The following FGFR2 variants were observed in gnomAD, a reference collection of about 807,000 sequenced individuals.
FGFR2 encodes fibroblast growth factor receptor 2.
FGFR2 carries 19 observed loss-of-function variants against 95.9 expected under a neutral mutation model. That is an observed-to-expected ratio of 0.20 (90% confidence interval 0.14 to 0.29). FGFR2 has a LOEUF of 0.29. Ranked by LOEUF, FGFR2 falls within the 10% of genes least tolerant of loss-of-function variation. The pLI is 1.00. For missense variants in FGFR2, 707 were observed against 1,056.9 expected (o/e 0.67, Z 4.59); for synonymous variants, 392 against 393.3 (o/e 1.00, Z 0.04).
chr10:121,556,478 A>G (rs2134951631), intron 4 of FGFR2, among the ~76,000 whole-genome samples: 1 of 151,488 alleles, frequency 6.6e-6, no homozygotes, highest in South Asian at 2.1e-4. Flanking sequence ...TTAAAGGAGA[A>G]ACATGGAATC....
In FGFR2 at chr10:121,531,228, T is replaced by TG. The variant is rs1852033099; in HGVS notation, c.748+7363dup. ...TGCCCCATCCAGGCTGGCGTGTGCC[T>TG]GCTCCCACCCCAGGGAGCTGGCACC... On this transcript the variant is annotated intron_variant, in intron 6 of 17. Coordinates refer to ENST00000358487, the MANE Select transcript of FGFR2 (RefSeq NM_000141.5). This position sits in a 1 kb window ranked among gnomAD's most constrained non-coding sequence, Gnocchi z 4.5. The TG allele has an allele frequency of 6.6e-6, 1 of 152,142 alleles. No homozygotes were observed. Among genetic ancestry groups the TG allele is most frequent in the African/African-American group, 2.4e-5 (1 of 41,448 alleles). 9.4% of individuals were successfully genotyped at this position (152,142 alleles called of 1,614,324 possible). A position where few individuals can be genotyped will look rare whatever the true frequency, so the allele number is the denominator to read the frequency against.
chr10:121,536,433 G>C (rs988506690), intron 6 of FGFR2, among the ~76,000 whole-genome samples: 1 of 152,082 alleles, frequency 6.6e-6, no homozygotes, highest in African/African-American at 2.4e-5. Flanking sequence ...TTAGCTGGGC[G>C]ATCTCCCAAA....
In FGFR2 at chr10:121,542,749, CAA is replaced by C. The variant is rs199883344; in HGVS notation, c.625-4036_625-4035del. ...ATGAACATTCCACACCCTATCCACA[CAA>C]AGACACAAGGTGGCCCAGACAGGTT... On this transcript the variant is annotated intron_variant, in intron 5 of 17. Coordinates refer to ENST00000358487, the MANE Select transcript of FGFR2 (RefSeq NM_000141.5). Among the ~76,000 whole-genome samples the C allele has an allele frequency of 9.1e-4, 138 of 152,260 alleles. 2 individuals carry two copies. In the East Asian group the frequency reaches 0.025, roughly 27 times the overall value.
At chr10:121,541,488 A>G (rs1351890015) in intron 5 of FGFR2, among the ~76,000 whole-genome samples, 2 of 152,122 alleles carry the variant, frequency 1.3e-5, no homozygotes, top group Admixed American at 6.6e-5. Flanking sequence ...CCATATGGAG[A>G]TTCAGAATAA....
chr10:121,558,645 T>C (rs1342745396), intron 4 of FGFR2, among the ~76,000 whole-genome samples: 4 of 151,210 alleles, frequency 2.6e-5, no homozygotes, highest in African/African-American at 9.8e-5. Flanking sequence ...TCTCACTCTG[T>C]CGCCCAGGCT....
chr10:121,584,081 A>G (rs1167642973), intron 2 of FGFR2, among the ~76,000 whole-genome samples: 1 of 152,020 alleles, frequency 6.6e-6, no homozygotes, highest in Non-Finnish European at 1.5e-5. Context: ...ACGTGACCTC[A>G]TCCATACTGC....
At position 121,488,077 on chromosome 10, in the gene FGFR2, C is replaced by T. The variant is rs1243256163; in HGVS notation, c.1900G>A (p.Val634Ile). ...ATTTTCATCACATTGTTTTCTGTTACCAAAACATTTCTGGCTGCTAAATCT... is the reference window on the plus strand; with the variant it reads ...ATTTTCATCACATTGTTTTCTGTTATCAAAACATTTCTGGCTGCTAAATCT... ...HRDLAARNVL[V>I]TENNVMKIAD... Residue 634 changes from valine (V) to isoleucine (I), a missense_variant, in exon 14 of 18, where the codon GTA becomes ATA. Transcript: ENST00000358487. The T allele has an allele frequency of 1.7e-5, 27 of 1,613,866 alleles. No homozygotes were observed. The highest frequency in any genetic ancestry group is 2.2e-5 in the Non-Finnish European group (26 of 1,179,964).
chr10:121,545,518 G>T (rs552711692), intron 5 of FGFR2, among the ~76,000 whole-genome samples: 1 of 152,174 alleles, frequency 6.6e-6, no homozygotes, highest in Non-Finnish European at 1.5e-5. Context: ...AAGTCACGAC[G>T]CAGGGGAGCA....
At chr10:121,483,365 C>A (rs1031745715) in intron 17 of FGFR2, among the ~76,000 whole-genome samples, 1 of 152,176 alleles carries the variant, frequency 6.6e-6, no homozygotes, top group South Asian at 2.1e-4. Context: ...GGAATCCAAG[C>A]TTTTTCCCAT....
chr10:121,511,404 C>T (rs1017958849), intron 9 of FGFR2, among the ~76,000 whole-genome samples: 2 of 152,172 alleles, frequency 1.3e-5, no homozygotes, highest in African/African-American at 4.8e-5. Flanking sequence ...AACAGGCATC[C>T]TCAGTTTCCT....
At chr10:121,528,432 G>A (rs1851669463) in intron 6 of FGFR2, among the ~76,000 whole-genome samples, 1 of 152,096 alleles carries the variant, frequency 6.6e-6, no homozygotes. Flanking sequence ...AGATTGAGAT[G>A]TGCAGACATA....
At chr10:121,524,688 C>A (rs1422142164) in intron 6 of FGFR2, among the ~76,000 whole-genome samples, 4 of 152,182 alleles carry the variant, frequency 2.6e-5, no homozygotes, top group African/African-American at 9.7e-5. Context: ...TTCTGAAAAA[C>A]CGAGGTGATG....
rs41293747 is a variant in FGFR2 at position 121,498,314 on chromosome 10, A to C, written c.1672+181T>G. On this transcript the variant is annotated intron_variant, in intron 12 of 17. Transcript: ENST00000358487. ...CCCTCCTTTCCACTGGCCCCCAGGTACGGGCACAGACCCTTCTTTGTGTTC... is the reference window on the plus strand; with the variant it reads ...CCCTCCTTTCCACTGGCCCCCAGGTCCGGGCACAGACCCTTCTTTGTGTTC... 3.3e-3 allele frequency among the ~76,000 whole-genome samples: 500 copies of C among 152,336 alleles called. 4 individuals are homozygous for C. Among genetic ancestry groups the C allele is most frequent in the African/African-American group, 0.011 (474 of 41,572 alleles).
intron 6 of FGFR2, among the ~76,000 whole-genome samples, chr10:121,521,947 G>A (rs1233281019): frequency 2.0e-5 from 3 of 152,164 alleles, no homozygotes; most frequent in Non-Finnish European, 4.4e-5. Context: ...TATACACAAC[G>A]GAATACTATT....
At chr10:121,572,249 C>T (rs1753423781) in intron 2 of FGFR2, among the ~76,000 whole-genome samples, 1 of 151,870 alleles carries the variant, frequency 6.6e-6, no homozygotes, top group Admixed American at 6.6e-5. Context: ...GCTTGAGCCC[C>T]AGAGGCTGCA....
rs374651360 is a variant in FGFR2, at chr10:121,543,886, T to C, written c.625-5171A>G. ...CAAGCCATGTTTTCTTAGAGGCCCG[T>C]TGCTTGTCGGTGCTCACAAAGGTGG... On this transcript the variant is annotated intron_variant, in intron 5 of 17. Coordinates refer to ENST00000358487, the MANE Select transcript of FGFR2 (RefSeq NM_000141.5). 1.4e-4 allele frequency among the ~76,000 whole-genome samples: 22 copies of C among 152,316 alleles called. No homozygotes were observed. In the South Asian group the frequency reaches 4.4e-3, roughly 30 times the overall value.
intron 17 of FGFR2, among the ~76,000 whole-genome samples, chr10:121,481,482 G>A (rs1037747970): frequency 1.3e-5 from 2 of 152,068 alleles, no homozygotes; most frequent in African/African-American, 4.8e-5. Flanking sequence ...CAGCATCCCA[G>A]AAGGGGAATG....
chr10:121,485,645 G>C lies in FGFR2; in HGVS notation c.2058-113C>G. ...CACTTCTGAAGTTCAAAGACAAATG[G>C]GCCCTCCTGCAGTTCCTCCTATGTG... On this transcript the variant is annotated intron_variant, in intron 15 of 17. Coordinates refer to ENST00000358487, the MANE Select transcript of FGFR2 (RefSeq NM_000141.5). This position sits in a 1 kb window ranked among gnomAD's most constrained non-coding sequence, Gnocchi z 4.2. The C allele has an allele frequency of 4.9e-6, 7 of 1,416,098 alleles. No homozygotes were observed. Among genetic ancestry groups the C allele is most frequent in the Non-Finnish European group, 6.9e-6 (7 of 1,017,774 alleles). The allele number at this position is 1,416,098 out of a possible 1,614,324, so 87.7% of individuals were successfully genotyped here.
At position 121,551,374 on chromosome 10, in the gene FGFR2, T is replaced by G; in HGVS notation, c.540A>C (p.Pro180=). ...PAANTVKFRC[P]AGGNPMPTMR... ...TGGTTGGCATTGGGTTCCCCCCGGC[T>G]GGGCAGCGAAACTTGACAGTGTTGG... Residue 180 remains proline (P), a synonymous_variant, in exon 5 of 18, where the codon CCA becomes CCC. Transcript: ENST00000358487. 2.5e-6 allele frequency: 4 copies of G among 1,614,222 alleles called. No individual in the cohort carries two copies. Among genetic ancestry groups the G allele is most frequent in the Non-Finnish European group, 3.4e-6 (4 of 1,180,042 alleles).
Sources: gnomAD v4.1 joint callset for allele counts (sites outside exome capture counted in the v4.1 genomes callset) on GRCh38, gnomAD v4.1.1 for gene constraint, Gnocchi (gnomAD v3.1) non-coding constraint, MANE v1.5 for transcripts, NCBI Gene and HGNC (gene_info 2026-07-23, HGNC 2026-07-21) for gene names.